The following FOXP2 variants were observed in gnomAD, a reference collection of about 807,000 sequenced individuals.
FOXP2 encodes forkhead box P2.
Under a neutral mutation model 115.8 loss-of-function variants are expected in FOXP2, and 12 were observed. The ratio of observed to expected loss-of-function variants is 0.10; its 90% CI spans 0.07 to 0.17. FOXP2 has a LOEUF of 0.17. Ranked by LOEUF, FOXP2 falls within the 10% of genes least tolerant of loss-of-function variation. The pLI is 1.00. For synonymous variants in FOXP2, 328 were observed against 297.7 expected, an observed-to-expected ratio of 1.10 and a Z score of -1.05; for missense variants, 629 against 843.5, an observed-to-expected ratio of 0.75 and a Z score of 3.15.
At chr7:114,676,075 A>ATTTTTTTT (rs11327459) in intron 16 of FOXP2, among the ~76,000 whole-genome samples, 603 of 89,440 alleles carry the variant, frequency 6.7e-3, no homozygotes, top group African/African-American at 0.021. Flanking sequence ...AGGCCCGGCT[A>ATTTTTTTT]TTTTTTTTTT....
At chr7:114,679,045 A>G (rs1585021687) in intron 16 of FOXP2, among the ~76,000 whole-genome samples, 1 of 151,960 alleles carries the variant, frequency 6.6e-6, no homozygotes, top group Non-Finnish European at 1.5e-5. Flanking sequence ...GCTCACTGCA[A>G]CCTCCACCTC....
intron 1 of FOXP2, among the ~76,000 whole-genome samples, chr7:114,105,574 G>A (rs1791089257): frequency 1.3e-5 from 2 of 151,942 alleles, no homozygotes; most frequent in Non-Finnish European, 2.9e-5. Flanking sequence ...TTCTTCTTTT[G>A]TAAACTCTCA....
At position 114,294,862 on chromosome 7, in the gene FOXP2, A is replaced by AC. The variant is rs1419434820; in HGVS notation, c.-11+6753_-11+6754insC. ...CCTCAAAATAAATAAATAAATAAAT[A>AC]AATACATACATACATACATACATAC... On this transcript the variant is annotated intron_variant, in intron 2 of 17. Transcript: ENST00000634411. Among the ~76,000 whole-genome samples, 513 of 150,712 alleles carry AC rather than the reference A, an allele frequency of 3.4e-3. 7 individuals are homozygous for AC. The highest frequency in any genetic ancestry group is 0.012 in the African/African-American group (487 of 40,776).
intron 1 of FOXP2, among the ~76,000 whole-genome samples, chr7:114,192,431 G>T (rs553109752): frequency 6.6e-6 from 1 of 152,290 alleles, no homozygotes; most frequent in Non-Finnish European, 1.5e-5. Context: ...TATATGTAAA[G>T]CTGCTATAAA....
chr7:114,681,876 A>G (rs1438436363), intron 16 of FOXP2, among the ~76,000 whole-genome samples: 1 of 152,202 alleles, frequency 6.6e-6, no homozygotes, highest in East Asian at 1.9e-4. Flanking sequence ...AGTAATAAAA[A>G]TCTCACTTTA....
intron 2 of FOXP2, among the ~76,000 whole-genome samples, chr7:114,445,116 T>G (rs1398753282): frequency 6.6e-6 from 1 of 151,220 alleles, no homozygotes; most frequent in East Asian, 2.0e-4. Context: ...ATTGCTAAAC[T>G]TCATACCTCG....
chr7:114,190,292 G>C (rs545639615), intron 1 of FOXP2, among the ~76,000 whole-genome samples: 98 of 152,294 alleles, frequency 6.4e-4, no homozygotes, highest in Admixed American at 1.0e-3. Context: ...TCTGAGTAAG[G>C]AAGATGACCT....
intron 15 of FOXP2, 23 bp downstream of exon 15, chr7:114,663,542 T>C (rs755631829): frequency 6.3e-7 from 1 of 1,593,542 alleles, no homozygotes; most frequent in Non-Finnish European, 8.6e-7. Flanking sequence ...CCCAGTTTTG[T>C]TGTATTTGAA....
At chr7:114,438,079 A>G (rs1794432935) in intron 2 of FOXP2, among the ~76,000 whole-genome samples, 1 of 151,966 alleles carries the variant, frequency 6.6e-6, no homozygotes, top group Non-Finnish European at 1.5e-5. Context: ...ACCTGTTTTT[A>G]TTTTTTTTAA....
intron 2 of FOXP2, among the ~76,000 whole-genome samples, chr7:114,308,428 CG>C (rs1205965547): frequency 6.6e-6 from 1 of 152,048 alleles, no homozygotes; most frequent in East Asian, 1.9e-4. Flanking sequence ...TATCTAGAAA[CG>C]GTCAGAGTAG....
intron 2 of FOXP2, among the ~76,000 whole-genome samples, chr7:114,288,669 T>C (rs555184231): frequency 1.3e-5 from 2 of 151,794 alleles, no homozygotes; most frequent in African/African-American, 4.8e-5. Flanking sequence ...TTAAATCTCA[T>C]GATAGTTTTC....
intron 2 of FOXP2, among the ~76,000 whole-genome samples, chr7:114,502,276 C>A (rs1190312415): frequency 6.6e-6 from 1 of 151,904 alleles, no homozygotes; most frequent in African/African-American, 2.4e-5. Flanking sequence ...CATTCATTAA[C>A]CTAGCTAAGT....
chr7:114,460,212 A>G (rs990642802), intron 2 of FOXP2, among the ~76,000 whole-genome samples: 1 of 152,132 alleles, frequency 6.6e-6, no homozygotes, highest in Non-Finnish European at 1.5e-5. Context: ...CCATACAGGA[A>G]TGAGGGGGAG....
chr7:114,116,822 G>A (rs1226191383), intron 1 of FOXP2, among the ~76,000 whole-genome samples: 3 of 152,040 alleles, frequency 2.0e-5, no homozygotes, highest in Non-Finnish European at 4.4e-5. Flanking sequence ...ATCCCCTCCT[G>A]AAGCCCTGGG....
In FOXP2 at chr7:114,570,559, C is replaced by A. The variant is rs1240057759; in HGVS notation, c.258+35853C>A. Among the ~76,000 whole-genome samples, 12 of 151,908 alleles carry A rather than the reference C, an allele frequency of 7.9e-5. No homozygotes were observed. In the East Asian group the frequency reaches 2.1e-3, roughly 27 times the overall value. ...CTACAGCAGTATCATGGTACATAAT[C>A]AGTGGATTTTTTGGTTATGGGTTAA... On this transcript the variant is annotated intron_variant, in intron 3 of 16. Coordinates refer to ENST00000350908, the MANE Select transcript of FOXP2 (RefSeq NM_014491.4).
At chr7:114,167,367 A>G (rs1468305772) in intron 1 of FOXP2, among the ~76,000 whole-genome samples, 1 of 152,212 alleles carries the variant, frequency 6.6e-6, no homozygotes. Flanking sequence ...AACCACAGGC[A>G]TATGCTATTT....
At chr7:114,181,934 A>G (rs1793467086) in intron 1 of FOXP2, among the ~76,000 whole-genome samples, 1 of 152,094 alleles carries the variant, frequency 6.6e-6, no homozygotes, top group Non-Finnish European at 1.5e-5. Flanking sequence ...GTTCTCAAAA[A>G]AGGTATGAAG....
chr7:114,503,923 G>A (rs972722436), intron 2 of FOXP2, among the ~76,000 whole-genome samples: 1 of 151,200 alleles, frequency 6.6e-6, no homozygotes, highest in African/African-American at 2.4e-5. Context: ...ATTTGTAGAT[G>A]AATAATAATG....
chr7:114,163,392 T>G (rs1037619598), intron 1 of FOXP2, among the ~76,000 whole-genome samples: 1 of 152,128 alleles, frequency 6.6e-6, no homozygotes. Flanking sequence ...ATATAGTATC[T>G]GCAGTTTTGC....
Sources: gnomAD v4.1 joint callset for allele counts (sites outside exome capture counted in the v4.1 genomes callset) on GRCh38, gnomAD v4.1.1 for gene constraint, MANE v1.5 for transcripts, NCBI Gene and HGNC (gene_info 2026-07-23, HGNC 2026-07-21) for gene names.